The following FMN2 variants were observed in gnomAD, a reference collection of about 807,000 sequenced individuals.
FMN2 encodes the protein formin 2, also known as formin-2.
FMN2 carries 51 observed loss-of-function variants against 142.3 expected under a neutral mutation model. The ratio of observed to expected loss-of-function variants is 0.36; its 90% CI spans 0.29 to 0.45. FMN2 has a LOEUF of 0.45. Ranked by LOEUF, FMN2 falls within the 20% of genes least tolerant of loss-of-function variation. FMN2 has a pLI of 1.00. For synonymous variants in FMN2, 882 were observed against 869.8 expected (o/e 1.01, Z -0.25); for missense variants, 1,936 against 2,122.8 (o/e 0.91, Z 1.73).
At chr1:240,154,129 A>AAAAAAAAAAAAAG (rs3047192) in intron 2 of FMN2, among the ~76,000 whole-genome samples, 1,168 of 101,460 alleles carry the variant, frequency 0.012, 84 homozygotes, top group Non-Finnish European at 0.017. Flanking sequence ...AAAAAAAAAA[A>AAAAAAAAAAAAAG]AAGTGTTACT....
chr1:240,100,409 C>T (rs1661373076), intron 1 of FMN2, among the ~76,000 whole-genome samples: 1 of 152,090 alleles, frequency 6.6e-6, no homozygotes, highest in African/African-American at 2.4e-5. Context: ...AAATGTACTG[C>T]CTGTGACTTG....
intron 2 of FMN2, among the ~76,000 whole-genome samples, chr1:240,123,649 T>C (rs1415336915): frequency 6.6e-6 from 1 of 152,220 alleles, no homozygotes; most frequent in African/African-American, 2.4e-5. Flanking sequence ...TAAATTATTT[T>C]TAATTGTGGT....
intron 2 of FMN2, among the ~76,000 whole-genome samples, chr1:240,172,858 C>T (rs1664763273): frequency 6.6e-6 from 1 of 152,078 alleles, no homozygotes. Context: ...CCTATATTGA[C>T]CAGCCATCTC....
At chr1:240,335,681 G>A (rs183658988) in intron 13 of FMN2, among the ~76,000 whole-genome samples, 1 of 152,300 alleles carries the variant, frequency 6.6e-6, no homozygotes, top group African/African-American at 2.4e-5. Flanking sequence ...ATTTATGTTT[G>A]CTTTCTGGAG....
At chr1:240,391,106 C>G (rs923735533) in intron 14 of FMN2, among the ~76,000 whole-genome samples, 1 of 152,044 alleles carries the variant, frequency 6.6e-6, no homozygotes, top group Non-Finnish European at 1.5e-5. Flanking sequence ...AAAGTAAAAT[C>G]ATAGGATATT....
chr1:240,400,143 A>G (rs1213568971), intron 15 of FMN2, among the ~76,000 whole-genome samples: 3 of 152,190 alleles, frequency 2.0e-5, no homozygotes, highest in African/African-American at 4.8e-5. Context: ...AGGGAAGAAG[A>G]TAGCCAAGAA....
intron 6 of FMN2, among the ~76,000 whole-genome samples, chr1:240,214,499 C>T (rs1318529273): frequency 5.4e-5 from 8 of 148,514 alleles, no homozygotes; most frequent in East Asian, 2.0e-4. Flanking sequence ...TGCAGTGAGC[C>T]GAGATCGCAC....
At chr1:240,104,287 C>G (rs1264090378) in intron 1 of FMN2, among the ~76,000 whole-genome samples, 2 of 151,594 alleles carry the variant, frequency 1.3e-5, no homozygotes, top group Non-Finnish European at 2.9e-5. Context: ...CCTCATTGTT[C>G]AGGATCTACT....
At chr1:240,410,727 T>C (rs1164604735) in intron 15 of FMN2, among the ~76,000 whole-genome samples, 1 of 152,262 alleles carries the variant, frequency 6.6e-6, no homozygotes, top group Non-Finnish European at 1.5e-5. Context: ...TGTCTGCTTT[T>C]CTGAGCTTAT....
intron 3 of FMN2, among the ~76,000 whole-genome samples, chr1:240,182,380 A>G (rs149847312): frequency 8.3e-4 from 127 of 152,318 alleles, no homozygotes; most frequent in African/African-American, 2.7e-3. Context: ...TAGAAAGGCA[A>G]TCAAGGCACA....
chr1:240,264,499 T>C (rs1463524759), intron 7 of FMN2, among the ~76,000 whole-genome samples: 2 of 152,164 alleles, frequency 1.3e-5, no homozygotes, highest in Non-Finnish European at 2.9e-5. Flanking sequence ...GTCATCTACA[T>C]TAGCTGTTTC....
At chr1:240,323,226 ACTCT>A (rs2103003578) in intron 8 of FMN2, among the ~76,000 whole-genome samples, 1 of 119,514 alleles carries the variant, frequency 8.4e-6, no homozygotes, top group East Asian at 2.4e-4. Flanking sequence ...ACTCTCTCTC[ACTCT>A]CTCACCCAGG....
chr1:240,320,600 G>A (rs987059793), intron 8 of FMN2, among the ~76,000 whole-genome samples: 3 of 152,140 alleles, frequency 2.0e-5, no homozygotes, highest in Admixed American at 2.0e-4. Context: ...TCTGAACACT[G>A]TTCTTTAAAG....
At chr1:240,258,179 CA>C in intron 7 of FMN2, 147 bp downstream of exon 7, 1 of 610,026 alleles carries the variant, frequency 1.6e-6, no homozygotes, top group East Asian at 2.9e-5. Context: ...AGCTATCTCC[CA>C]TGATTGTTTC....
In FMN2 at chr1:240,344,559, T is replaced by C. The variant is rs543581269; in HGVS notation, c.4765+10330T>C. ...AGTATTCTTTGACTTTTTTAAACTA[T>C]TAGTCTCAAAATATACATTACTTTC... is the stretch of plus-strand genomic sequence containing the variant. On this transcript the variant is annotated intron_variant, in intron 13 of 17. Coordinates refer to ENST00000319653, the MANE Select transcript of FMN2 (RefSeq NM_020066.5). Among the ~76,000 whole-genome samples the C allele has an allele frequency of 3.3e-5, 5 of 152,334 alleles. No homozygotes were observed. The South Asian group carries it at 1.0e-3, about 32-fold the overall frequency.
chr1:240,230,441 T>C lies in FMN2; in HGVS notation c.4065+19206T>C, dbSNP rs903929297. ...GAGCTGACGTCCCCTAAAGCTTTGA[T>C]GCCACCTAAAGTATTTCTGTTTTTT... On this transcript the variant is annotated intron_variant, in intron 6 of 17. Coordinates refer to ENST00000319653, the MANE Select transcript of FMN2 (RefSeq NM_020066.5). Among the ~76,000 whole-genome samples the C allele has an allele frequency of 6.8e-5, 9 of 132,308 alleles. 3 individuals carry two copies. Among genetic ancestry groups the C allele is most frequent in the African/African-American group, 2.9e-4 (9 of 31,100 alleles). 86.8% of individuals were successfully genotyped at this position (132,308 alleles called of 152,430 possible).
At chr1:240,417,013 T>C (rs184016587) in intron 15 of FMN2, among the ~76,000 whole-genome samples, 397 of 150,524 alleles carry the variant, frequency 2.6e-3, no homozygotes, top group African/African-American at 9.3e-3. Flanking sequence ...ACTTTGTTAT[T>C]TTCTCTTTAG....
intron 14 of FMN2, among the ~76,000 whole-genome samples, chr1:240,361,172 T>C (rs1672465250): frequency 1.1e-5 from 1 of 92,210 alleles, no homozygotes; most frequent in Non-Finnish European, 2.3e-5. Flanking sequence ...TATATATATA[T>C]ATATATATAT....
intron 2 of FMN2, among the ~76,000 whole-genome samples, chr1:240,148,982 A>T (rs898114478): frequency 2.9e-5 from 4 of 136,052 alleles, no homozygotes; most frequent in Non-Finnish European, 6.8e-5. Context: ...AAAAAAAAAT[A>T]AATAAATAAA....
Sources: gnomAD v4.1 joint callset for allele counts (sites outside exome capture counted in the v4.1 genomes callset) on GRCh38, gnomAD v4.1.1 for gene constraint, MANE v1.5 for transcripts, NCBI Gene and HGNC (gene_info 2026-07-23, HGNC 2026-07-21) for gene names.